Variants in TAS2R1 observed in about 807,000 individuals in gnomAD.
TAS2R1 encodes the protein taste 2 receptor member 1.
For missense variants in TAS2R1, 370 were observed against 353.4 expected (o/e 1.05, Z -0.38); for synonymous variants, 141 against 134.2 (o/e 1.05, Z -0.35).
At chr5:9,894,309 C>A in the TAS2R1 span, among the ~76,000 whole-genome samples, 2 of 151,928 alleles carry the variant, frequency 1.3e-5, no homozygotes, top group Non-Finnish European at 2.9e-5. Context: ...GAGGCTGAGG[C>A]AGGAGAATCG....
At chr5:9,781,374 GT>G in the TAS2R1 span, among the ~76,000 whole-genome samples, 4 of 152,102 alleles carry the variant, frequency 2.6e-5, no homozygotes, top group Admixed American at 2.6e-4. Flanking sequence ...TCCCACATTT[GT>G]CCCCAGCACC....
chr5:9,877,867 C>T, the TAS2R1 span, among the ~76,000 whole-genome samples: 1 of 152,212 alleles, frequency 6.6e-6, no homozygotes, highest in Non-Finnish European at 1.5e-5. Flanking sequence ...TTTCCTTTCA[C>T]AAACAGAATA....
intron 1 of TAS2R1, among the ~76,000 whole-genome samples, chr5:9,682,300 C>A (rs760250948): frequency 1.3e-5 from 2 of 152,198 alleles, no homozygotes; most frequent in African/African-American, 2.4e-5. Context: ...TGTAGCTAAG[C>A]AGCTTTTTAA....
the TAS2R1 span, among the ~76,000 whole-genome samples, chr5:9,805,229 C>A: frequency 1.3e-5 from 2 of 151,886 alleles, no homozygotes; most frequent in African/African-American, 4.8e-5. Flanking sequence ...TAATAACAAG[C>A]AGGAAGATTG....
the TAS2R1 span, among the ~76,000 whole-genome samples, chr5:9,767,923 C>CAA: frequency 0.35 from 33,374 of 95,852 alleles, 6,796 homozygotes; most frequent in Admixed American, 0.42. Context: ...GACTCCGTCT[C>CAA]AAAAAAAAAA....
chr5:9,673,116 G>C (rs996233255), intron 1 of TAS2R1, among the ~76,000 whole-genome samples: 4 of 152,070 alleles, frequency 2.6e-5, no homozygotes, highest in African/African-American at 7.2e-5. Flanking sequence ...ACAAAGAAGG[G>C]AACAATAGAC....
the TAS2R1 span, among the ~76,000 whole-genome samples, chr5:9,742,732 A>C: frequency 4.6e-5 from 7 of 152,206 alleles, no homozygotes; most frequent in Non-Finnish European, 7.3e-5. Flanking sequence ...ATGGCCAGGA[A>C]AACTTAAAAA....
chr5:9,725,567 C>T, the TAS2R1 span, among the ~76,000 whole-genome samples: 11 of 152,320 alleles, frequency 7.2e-5, no homozygotes, highest in South Asian at 6.2e-4. Flanking sequence ...GGGCAGGGCT[C>T]GGGACCTGCA....
the TAS2R1 span, among the ~76,000 whole-genome samples, chr5:9,860,326 C>T: frequency 6.6e-6 from 1 of 152,210 alleles, no homozygotes; most frequent in African/African-American, 2.4e-5. Flanking sequence ...TCAGCCTGTG[C>T]TGCCTCCCAC....
intron 1 of TAS2R1, among the ~76,000 whole-genome samples, chr5:9,699,050 G>T (rs980002209): frequency 3.3e-5 from 5 of 152,190 alleles, no homozygotes; most frequent in Non-Finnish European, 5.9e-5. Flanking sequence ...CTCACTCAGA[G>T]TCCTTAGTAC....
chr5:9,811,992 C>G, the TAS2R1 span, among the ~76,000 whole-genome samples: 3 of 152,080 alleles, frequency 2.0e-5, no homozygotes, highest in Non-Finnish European at 4.4e-5. Context: ...TTCCTCCCCC[C>G]GCATTGCTTG....
the TAS2R1 span, among the ~76,000 whole-genome samples, chr5:9,827,978 C>A: frequency 6.6e-6 from 1 of 152,132 alleles, no homozygotes; most frequent in African/African-American, 2.4e-5. Flanking sequence ...GCTAAATGTT[C>A]ATTTTATTTC....
the TAS2R1 span, among the ~76,000 whole-genome samples, chr5:9,805,470 C>A: frequency 6.6e-6 from 1 of 151,962 alleles, no homozygotes; most frequent in Non-Finnish European, 1.5e-5. Flanking sequence ...ACCCATATCC[C>A]TGAAGAACAT....
intron 1 of TAS2R1, among the ~76,000 whole-genome samples, chr5:9,666,120 A>G (rs187184919): frequency 1.3e-5 from 2 of 152,334 alleles, no homozygotes; most frequent in African/African-American, 4.8e-5. Flanking sequence ...GCAGATTATT[A>G]GTGGAAAAAT....
intron 1 of TAS2R1, among the ~76,000 whole-genome samples, chr5:9,710,453 TGA>T (rs1252089696): frequency 9.9e-5 from 15 of 152,224 alleles, no homozygotes; most frequent in Non-Finnish European, 1.0e-4. Context: ...TAGTTATGTC[TGA>T]GACATAGTTT....
chr5:9,713,396 A>G (rs1464429875), upstream of TAS2R1, among the ~76,000 whole-genome samples: 1 of 152,112 alleles, frequency 6.6e-6, no homozygotes, highest in Non-Finnish European at 1.5e-5. Flanking sequence ...CTTCTGGCAA[A>G]GCTTTTTCCT....
the TAS2R1 span, among the ~76,000 whole-genome samples, chr5:9,837,566 C>A: frequency 6.6e-6 from 1 of 152,172 alleles, no homozygotes; most frequent in Admixed American, 6.5e-5. Flanking sequence ...CGCCCTGTTT[C>A]CAGGCTCAGG....
the TAS2R1 span, among the ~76,000 whole-genome samples, chr5:9,774,224 C>T: frequency 4.6e-5 from 7 of 152,282 alleles, no homozygotes; most frequent in South Asian, 2.1e-4. Context: ...AGGCATCCTT[C>T]GGATGTCAAT....
rs911074461 is a variant in TAS2R1, at chr5:9,682,128, T to C, written c.-241-22547A>G. Among the ~76,000 whole-genome samples, 4 of 152,222 alleles carry C rather than the reference T, an allele frequency of 2.6e-5. No homozygotes were observed. In the South Asian group the frequency reaches 8.3e-4, roughly 31 times the overall value. ...CTGAAGGACACATTAAATGAGAGTA[T>C]GTATTACAAAGCTTTACAGTTTTTA... On this transcript the variant is annotated intron_variant, in intron 1 of 2. Coordinates refer to the TAS2R1 transcript ENST00000506620.
Sources: gnomAD v4.1 joint callset for allele counts (sites outside exome capture counted in the v4.1 genomes callset) on GRCh38, gnomAD v4.1.1 for gene constraint, MANE v1.5 for transcripts, NCBI Gene and HGNC (gene_info 2026-07-23, HGNC 2026-07-21) for gene names.